Variants in PUM2 observed in about 807,000 individuals in gnomAD.
PUM2 encodes pumilio homolog 2.
Under a neutral mutation model 124.5 loss-of-function variants are expected in PUM2, and 57 were observed. That is an observed-to-expected ratio of 0.46 (90% CI 0.37 to 0.57). The LOEUF (loss-of-function observed/expected upper bound fraction) is 0.57. Ranked by LOEUF, PUM2 falls within the 20% of genes least tolerant of loss-of-function variation. The pLI is 0.00. For missense variants in PUM2, 1,065 were observed against 1,290.6 expected, an observed-to-expected ratio of 0.83 and a Z score of 2.68; for synonymous variants, 460 against 446.1, an observed-to-expected ratio of 1.03 and a Z score of -0.39.
intron 9 of PUM2, among the ~76,000 whole-genome samples, chr2:20,293,428 C>T (rs1027782524): frequency 6.6e-6 from 1 of 152,156 alleles, no homozygotes; most frequent in East Asian, 1.9e-4. Flanking sequence ...AAATATATTA[C>T]CCGAGAGCGG....
At chr2:20,274,973 A>AAAAAAAAAAAAAAAAAAAAAAAAAAAC (rs1483862096) in intron 13 of PUM2, among the ~76,000 whole-genome samples, 1 of 147,682 alleles carries the variant, frequency 6.8e-6, no homozygotes, top group Non-Finnish European at 1.5e-5. Flanking sequence ...AAAAAAAAAA[A>AAAAAAAAAAAAAAAAAAAAAAAAAAAC]AGATGCTTAC....
intron 13 of PUM2, among the ~76,000 whole-genome samples, chr2:20,268,026 G>C (rs1200491664): frequency 1.3e-5 from 2 of 152,102 alleles, no homozygotes; most frequent in Admixed American, 1.3e-4. Flanking sequence ...GCGGGGCAAG[G>C]GGTGCTGGGG....
At position 20,290,749 on chromosome 2, in the gene PUM2, A is replaced by G; in HGVS notation, c.1194T>C (p.Asn398=). The change falls in exon 10 of 21, where the codon AAT becomes AAC. Residue 398 remains asparagine (N), a synonymous_variant. Transcript: ENST00000361078. Reference sequence around the variant, plus strand: ...CTGCTTGCTGCCCTTGCTGACCCTGATTGGGAGTAAGAGGACGCTGACCTG... The same window carrying G: ...CTGCTTGCTGCCCTTGCTGACCCTGGTTGGGAGTAAGAGGACGCTGACCTG... The part of the protein sequence containing the change: ...AGAGQRPLTP[N]QGQQGQQAES... The G allele has an allele frequency of 6.2e-7, 1 of 1,612,924 alleles. No homozygotes were observed. Among genetic ancestry groups the G allele is most frequent in the Non-Finnish European group, 8.5e-7 (1 of 1,179,760 alleles).
intron 7 of PUM2, among the ~76,000 whole-genome samples, chr2:20,304,090 A>G (rs1677648787): frequency 6.6e-6 from 1 of 152,204 alleles, no homozygotes; most frequent in Non-Finnish European, 1.5e-5. Flanking sequence ...CCTAAACTAC[A>G]TACTATAGGG....
intron 13 of PUM2, among the ~76,000 whole-genome samples, chr2:20,274,528 A>C (rs567816838): frequency 2.0e-5 from 3 of 152,248 alleles, no homozygotes; most frequent in Admixed American, 1.3e-4. Flanking sequence ...ACAGGTTAGG[A>C]AATTTTATAA....
intron 2 of PUM2, among the ~76,000 whole-genome samples, chr2:20,324,264 T>C (rs970591832): frequency 3.9e-5 from 6 of 152,182 alleles, no homozygotes; most frequent in Non-Finnish European, 7.3e-5. Context: ...ACAAGTCTCC[T>C]TCCTCCCCTA....
At chr2:20,309,019 A>T (rs1678998822) in intron 5 of PUM2, among the ~76,000 whole-genome samples, 1 of 152,112 alleles carries the variant, frequency 6.6e-6, no homozygotes, top group African/African-American at 2.4e-5. Context: ...GCCAACACAT[A>T]ATTTTGCCAT....
intron 8 of PUM2, 146 bp from the exon 9 acceptor site, chr2:20,294,664 G>A (rs1675083077): frequency 1.0e-6 from 1 of 959,126 alleles, no homozygotes; most frequent in Non-Finnish European, 1.5e-6. Context: ...AAGTATTGAT[G>A]GGTGACAGCA....
At chr2:20,269,273 T>G (rs1432603717) in intron 13 of PUM2, among the ~76,000 whole-genome samples, 1 of 152,080 alleles carries the variant, frequency 6.6e-6, no homozygotes, top group Non-Finnish European at 1.5e-5. Flanking sequence ...CGGTCTCAGC[T>G]TACTGCAAGC....
intron 13 of PUM2, among the ~76,000 whole-genome samples, chr2:20,271,162 A>C (rs1045908690): frequency 1.3e-5 from 2 of 152,178 alleles, no homozygotes; most frequent in African/African-American, 4.8e-5. Flanking sequence ...TCAATATTGA[A>C]TAAGTAACAA....
intron 19 of PUM2, among the ~76,000 whole-genome samples, 186 bp downstream of exon 19, chr2:20,254,677 G>A (rs1038530178): frequency 2.0e-5 from 3 of 151,938 alleles, no homozygotes; most frequent in Non-Finnish European, 4.4e-5. Context: ...AACATATGTG[G>A]GCAAAACAAA....
intron 1 of PUM2, among the ~76,000 whole-genome samples, chr2:20,344,930 T>G (rs943694966): frequency 1.4e-5 from 2 of 139,606 alleles, no homozygotes; most frequent in African/African-American, 2.7e-5. Flanking sequence ...TTGCAGTGAG[T>G]TGTGATAGTG....
chr2:20,305,300 T>C (rs904283754), intron 7 of PUM2, among the ~76,000 whole-genome samples: 6 of 151,224 alleles, frequency 4.0e-5, no homozygotes, highest in African/African-American at 1.2e-4. Flanking sequence ...GCCTGGACAA[T>C]AGGGTGAATC....
At chr2:20,287,837 G>A (rs918038191) in intron 10 of PUM2, among the ~76,000 whole-genome samples, 1 of 152,206 alleles carries the variant, frequency 6.6e-6, no homozygotes, top group Non-Finnish European at 1.5e-5. Context: ...AGAGTTTCTA[G>A]TTCTAGAGAA....
intron 10 of PUM2, among the ~76,000 whole-genome samples, chr2:20,284,458 T>A (rs1047579153): frequency 3.3e-5 from 5 of 152,134 alleles, no homozygotes; most frequent in African/African-American, 1.2e-4. Flanking sequence ...TGGGCTTACA[T>A]GATCCTCCCG....
chr2:20,254,040 G>T lies in PUM2; in HGVS notation c.2871-26C>A, dbSNP rs567334436. The T allele has an allele frequency of 3.6e-5, 57 of 1,575,378 alleles. No homozygotes were observed. The South Asian group carries it at 6.2e-4, about 17-fold the overall frequency. ...CTAAAAATTAAAGCAGATAAACAAA[G>T]ATTTGTTATTTTTTTCTTCACAGCA... On this transcript the variant is annotated intron_variant, in intron 19 of 20. Transcript: ENST00000361078.
chr2:20,266,726 T>G (rs1389181997), intron 13 of PUM2, among the ~76,000 whole-genome samples: 1 of 152,058 alleles, frequency 6.6e-6, no homozygotes, highest in Non-Finnish European at 1.5e-5. Flanking sequence ...CCTATACCCT[T>G]TAAAAATGTC....
chr2:20,251,549 A>G lies in PUM2; in HGVS notation c.*36T>C, dbSNP rs1663299157. Reference sequence around the variant, plus strand: ...TCACACACAAAAAAATTCTTTTCACATGGTTAAATTATCTTCTTTCTCTTG... The same window carrying G: ...TCACACACAAAAAAATTCTTTTCACGTGGTTAAATTATCTTCTTTCTCTTG... On this transcript the variant is annotated 3_prime_UTR_variant, in exon 21 of 21. Coordinates refer to ENST00000361078, the MANE Select transcript of PUM2 (RefSeq NM_015317.5). 6.3e-7 allele frequency: 1 copy of G among 1,575,926 alleles called. No homozygotes were observed. The highest frequency in any genetic ancestry group is 8.6e-7 in the Non-Finnish European group (1 of 1,159,230).
chr2:20,288,936 T>C (rs923209324), intron 10 of PUM2, among the ~76,000 whole-genome samples: 1 of 152,166 alleles, frequency 6.6e-6, no homozygotes, highest in South Asian at 2.1e-4. Context: ...GAGTGGTTTT[T>C]TCGTTTGTAT....
Sources: allele counts gnomAD v4.1 joint callset (sites outside exome capture counted in the v4.1 genomes callset), GRCh38; gene constraint gnomAD v4.1.1; transcripts MANE v1.5; gene names NCBI Gene and HGNC (gene_info 2026-07-23, HGNC 2026-07-21).